The following NDE1 variants were observed in gnomAD, a reference collection of about 807,000 sequenced individuals.
The protein encoded by NDE1 is nuclear distribution protein nudE homolog 1.
NDE1 carries 28 observed loss-of-function variants against 43.4 expected under a neutral mutation model. The observed-to-expected ratio is 0.65, with a 90% confidence interval of 0.48 to 0.89. The LOEUF is 0.89. Among genes scored for constraint, NDE1 ranks in the 40% least tolerant of loss-of-function variants. NDE1 has a pLI of 0.00. For synonymous variants in NDE1, 184 were observed against 172.0 expected, an observed-to-expected ratio of 1.07 and a Z score of -0.55; for missense variants, 441 against 434.1, an observed-to-expected ratio of 1.02 and a Z score of -0.14.
chr16:15,657,141 A>T lies in NDE1; in HGVS notation c.-44+6847A>T, dbSNP rs8044755. On this transcript the variant is annotated intron_variant, in intron 1 of 8. Transcript: ENST00000396354. ...AGGCAGAGTTTCACTCTTGTCGTCC[A>T]GGTTGGAGTGCAATGGCGTGATCTT... 4.3e-3 allele frequency among the ~76,000 whole-genome samples: 646 copies of T among 151,010 alleles called. 8 individuals carry two copies. The highest frequency in any genetic ancestry group is 0.015 in the African/African-American group (600 of 41,062).
chr16:15,706,030 C>T (rs189196232), intron 8 of NDE1, among the ~76,000 whole-genome samples: 1 of 145,590 alleles, frequency 6.9e-6, no homozygotes, highest in Non-Finnish European at 1.5e-5. Context: ...TTCATGATCA[C>T]TGAGAAGAGG....
chr16:15,680,421 GATT>G (rs2038116857), intron 4 of NDE1, among the ~76,000 whole-genome samples: 2 of 152,152 alleles, frequency 1.3e-5, no homozygotes, highest in Non-Finnish European at 2.9e-5. Context: ...AGTGCACTCA[GATT>G]ATTGTTGTAA....
intron 3 of NDE1, among the ~76,000 whole-genome samples, chr16:15,672,047 A>T (rs896307502): frequency 6.6e-6 from 1 of 151,986 alleles, no homozygotes; most frequent in African/African-American, 2.4e-5. Flanking sequence ...GAGGAAGATT[A>T]GTGGTATGAA....
At chr16:15,670,460 C>G (rs1261851099) in intron 3 of NDE1, among the ~76,000 whole-genome samples, 1 of 152,040 alleles carries the variant, frequency 6.6e-6, no homozygotes, top group Admixed American at 6.6e-5. Context: ...GAGTTTGAGA[C>G]CAGCCTCACC....
At chr16:15,667,185 G>T (rs2037349015) in intron 2 of NDE1, 101 bp from the exon 3 acceptor site, 6 of 1,326,050 alleles carry the variant, frequency 4.5e-6, no homozygotes, top group Non-Finnish European at 6.5e-6. Context: ...AGCAGAGGTT[G>T]CAGTGAGACG....
chr16:15,647,842 G>A, upstream of NDE1, among the ~76,000 whole-genome samples: 1 of 151,952 alleles, frequency 6.6e-6, no homozygotes, highest in Non-Finnish European at 1.5e-5. Flanking sequence ...ACCAGCCTGG[G>A]CAACATAGTG....
intron 3 of NDE1, among the ~76,000 whole-genome samples, chr16:15,671,154 G>C (rs1652151385): frequency 6.6e-6 from 1 of 151,964 alleles, no homozygotes; most frequent in Non-Finnish European, 1.5e-5. Flanking sequence ...CTACTTACTT[G>C]CCTTTTATTA....
At position 15,645,012 on chromosome 16, in the gene NDE1, C is replaced by T. The variant is rs191789447; in HGVS notation, c.-166+1085C>T. Among the ~76,000 whole-genome samples the T allele has an allele frequency of 8.6e-3, 1,305 of 151,508 alleles. 25 individuals carry two copies. Among genetic ancestry groups the T allele is most frequent in the African/African-American group, 0.03 (1,225 of 41,244 alleles). On this transcript the variant is annotated intron_variant, in intron 1 of 9. Transcript: ENST00000396355. ...TTGGCTCACTGCAGCCTCCACCTCC[C>T]GGGTTCAACCGATTCTCATGCCTCA...
chr16:15,709,670 T>A (rs982153284), intron 8 of NDE1, among the ~76,000 whole-genome samples: 34 of 152,104 alleles, frequency 2.2e-4, no homozygotes, highest in African/African-American at 7.5e-4. Context: ...TTTAAGAACC[T>A]CCTATAAATC....
intron 1 of NDE1, chr16:15,651,807 C>T (rs954276067): frequency 3.9e-5 from 6 of 152,152 alleles, no homozygotes; most frequent in Non-Finnish European, 5.9e-5. Flanking sequence ...TGATCTGTGC[C>T]GCTGAAGTCT....
Position 15,717,017 on chromosome 16 carries a change from G to A in NDE1, c.948-7174G>A. ...TTCTCACAACATACCTGCACTGTAG[G>A]CATCACAGAGCTTGCTTCTTACAAG... On this transcript the variant is annotated intron_variant, in intron 8 of 8. Transcript: ENST00000396354. 6 of 1,021,374 alleles carry A rather than the reference G, an allele frequency of 5.9e-6. No individual in the cohort carries two copies. The Admixed American group carries it at 1.0e-4, about 17-fold the overall frequency. 63.3% of individuals were successfully genotyped at this position (1,021,374 alleles called of 1,614,324 possible).
At chr16:15,649,052 C>T (rs1044167610), upstream of NDE1, among the ~76,000 whole-genome samples, 3 of 151,510 alleles carry the variant, frequency 2.0e-5, no homozygotes, top group Middle Eastern at 3.2e-3. Context: ...AAAAATTAGC[C>T]GGGTGTGGTG....
intron 3 of NDE1, among the ~76,000 whole-genome samples, chr16:15,674,604 C>T (rs1214677330): frequency 5.9e-5 from 9 of 152,266 alleles, no homozygotes; most frequent in South Asian, 4.1e-4. Context: ...CATGCTACAA[C>T]GGAGAGTCCT....
At chr16:15,696,377 AAAAC>A (rs1185263386) in intron 7 of NDE1, among the ~76,000 whole-genome samples, 2 of 116,458 alleles carry the variant, frequency 1.7e-5, no homozygotes, top group Non-Finnish European at 4.0e-5. Flanking sequence ...AAAAAAGTAA[AAAAC>A]AAAACAAAAA....
chr16:15,697,934 G>T (rs1481622224), intron 8 of NDE1, among the ~76,000 whole-genome samples: 1 of 151,774 alleles, frequency 6.6e-6, no homozygotes, highest in African/African-American at 2.4e-5. Context: ...AGCCTCCTGA[G>T]TAGCTGGGAT....
intron 8 of NDE1, among the ~76,000 whole-genome samples, chr16:15,706,494 G>C (rs1379059823): frequency 1.3e-5 from 2 of 152,162 alleles, no homozygotes; most frequent in African/African-American, 4.8e-5. Context: ...TCACTCGTGA[G>C]GTCAGTTGTT....
At chr16:15,666,205 C>T (rs1388609726) in intron 2 of NDE1, among the ~76,000 whole-genome samples, 1 of 152,084 alleles carries the variant, frequency 6.6e-6, no homozygotes, top group Non-Finnish European at 1.5e-5. Flanking sequence ...GGTCAGGGCT[C>T]ATATCTGGGA....
chr16:15,688,851 C>T (rs1430080851), intron 5 of NDE1, among the ~76,000 whole-genome samples: 3 of 151,376 alleles, frequency 2.0e-5, no homozygotes, highest in Non-Finnish European at 4.4e-5. Flanking sequence ...GTGTGCACCA[C>T]CATGCCTGGC....
At position 15,724,284 on chromosome 16, in the gene NDE1, A is replaced by C. The variant is rs2075511; in HGVS notation, c.*33A>C. ...TCTTGGTCTTTTCCAGTTTATCATAAGCGGCCGCCTTCTCCTCGTACTGCT... is the reference window on the plus strand; with the variant it reads ...TCTTGGTCTTTTCCAGTTTATCATACGCGGCCGCCTTCTCCTCGTACTGCT... On this transcript the variant is annotated 3_prime_UTR_variant, in exon 9 of 9. Transcript: ENST00000396354. 813,490 of 1,613,830 alleles carry C rather than the reference A, an allele frequency of 0.5. 209,113 individuals are homozygous for C. The highest frequency in any genetic ancestry group is 0.64 in the Middle Eastern group (3,868 of 6,046).
Sources: allele counts gnomAD v4.1 joint callset (sites outside exome capture counted in the v4.1 genomes callset), GRCh38; gene constraint gnomAD v4.1.1; transcripts MANE v1.5; gene names NCBI Gene and HGNC (gene_info 2026-07-23, HGNC 2026-07-21).